The following MAVS variants were observed in gnomAD, a reference collection of about 807,000 sequenced individuals.
MAVS encodes mitochondrial antiviral-signaling protein.
A neutral mutation model predicts 30.2 loss-of-function variants in MAVS; 20 were observed. The ratio of observed to expected loss-of-function variants is 0.66; its 90% CI spans 0.47 to 0.96. The LOEUF is 0.96. Ranked by LOEUF, MAVS falls within the 40% of genes least tolerant of loss-of-function variation. The probability of loss-of-function intolerance (pLI) is 0.00; values close to 1 mark genes in which losing one functional copy is unlikely to be tolerated. For synonymous variants in MAVS, 278 were observed against 293.9 expected (o/e 0.95, Z 0.55); for missense variants, 624 against 701.1 (o/e 0.89, Z 1.24).
chr20:3,859,079 C>T (rs568065419), intron 3 of MAVS, among the ~76,000 whole-genome samples: 29 of 152,130 alleles, frequency 1.9e-4, no homozygotes, highest in South Asian at 6.2e-4. Flanking sequence ...TGTGAGCCAC[C>T]GCGTCTGGCT....
chr20:3,855,272 C>G (rs1326188005), intron 2 of MAVS, among the ~76,000 whole-genome samples: 1 of 152,166 alleles, frequency 6.6e-6, no homozygotes. Flanking sequence ...CTTTTGTGCA[C>G]TGCTCAAAAA....
chr20:3,864,053 C>T (rs1316711418), intron 5 of MAVS, among the ~76,000 whole-genome samples: 1 of 152,144 alleles, frequency 6.6e-6, no homozygotes, highest in Non-Finnish European at 1.5e-5. Context: ...CCTGGGGCTA[C>T]AGGTCAAGGA....
In MAVS at chr20:3,874,121, A is replaced by G. The variant is rs2089974383; in HGVS notation, c.*7974A>G. On this transcript the variant is annotated 3_prime_UTR_variant, in exon 7 of 7. Coordinates refer to ENST00000428216, the MANE Select transcript of MAVS (RefSeq NM_020746.5). ...TGAAAATATCGCTATGCACAGCAAC[A>G]TGGATAAATTTCACAGACATGAGGT... 3.0e-5 allele frequency: 12 copies of G among 398,536 alleles called. No individual in the cohort carries two copies. The highest frequency in any genetic ancestry group is 4.4e-5 in the Non-Finnish European group (10 of 226,102). The allele number at this position is 398,536 out of a possible 1,614,324, so 24.7% of individuals were successfully genotyped here. A position where few individuals can be genotyped will look rare whatever the true frequency, so the allele number is the denominator to read the frequency against.
At chr20:3,849,195 CTAGCTTGCTTGCTT>C (rs1162293038) in intron 1 of MAVS, among the ~76,000 whole-genome samples, 1 of 151,838 alleles carries the variant, frequency 6.6e-6, no homozygotes, top group East Asian at 1.9e-4. Flanking sequence ...GCCCCTTTCC[CTAGCTTGCTTGCTT>C]TTTTTTTTTT....
chr20:3,849,121 G>C (rs1320494979), intron 1 of MAVS, among the ~76,000 whole-genome samples: 1 of 151,728 alleles, frequency 6.6e-6, no homozygotes, highest in Non-Finnish European at 1.5e-5. Context: ...CTAAAACCCA[G>C]AGTCCTTTCC....
chr20:3,856,928 C>T (rs1480020720), intron 2 of MAVS, among the ~76,000 whole-genome samples: 2 of 150,302 alleles, frequency 1.3e-5, no homozygotes, highest in Non-Finnish European at 3.0e-5. Context: ...CCCAGCTACT[C>T]GGGAGGCTGA....
At chr20:3,854,424 C>CAAAAAA (rs143700590) in intron 1 of MAVS, 134 bp from the exon 2 acceptor site, 133 of 188,520 alleles carry the variant, frequency 7.1e-4, no homozygotes, top group East Asian at 1.5e-3. Context: ...GACTCGCTCT[C>CAAAAAA]AAAAAAAAAA....
At chr20:3,851,964 G>C (rs1270061055) in intron 1 of MAVS, among the ~76,000 whole-genome samples, 1 of 139,980 alleles carries the variant, frequency 7.1e-6, no homozygotes, top group Admixed American at 7.0e-5. Context: ...TCTCAAAAAA[G>C]AAAAAAAGAA....
chr20:3,859,520 A>AAC (rs76308650), intron 3 of MAVS, among the ~76,000 whole-genome samples: 83,980 of 141,516 alleles, frequency 0.59, 25,258 homozygotes, highest in African/African-American at 0.68. Context: ...AAAAAAAAAA[A>AAC]CCCAAAAATA....
chr20:3,861,313 C>T lies in MAVS; in HGVS notation c.293-19C>T, dbSNP rs1203041814. ...CAGCCCTGATTCCTTCTTGATATCACTACATCTTTGTCCTCTAGGGACCTC... is the reference window on the plus strand; with the variant it reads ...CAGCCCTGATTCCTTCTTGATATCATTACATCTTTGTCCTCTAGGGACCTC... On this transcript the variant is annotated intron_variant, in intron 3 of 6. Transcript: ENST00000428216. 6.3e-7 allele frequency: 1 copy of T among 1,598,492 alleles called. No homozygotes were observed. The highest frequency in any genetic ancestry group is 1.7e-5 in the Admixed American group (1 of 57,758).
rs1358022575 is a variant in MAVS, at chr20:3,864,713, C to A, written c.1083C>A (p.Ser361=). 1 of 1,614,244 alleles carries A rather than the reference C, an allele frequency of 6.2e-7. No homozygotes were observed. The highest frequency in any genetic ancestry group is 2.2e-5 in the East Asian group (1 of 44,894). The change falls in exon 6 of 7, where the codon TCC becomes TCA. Residue 361 remains serine, a synonymous_variant. Coordinates refer to ENST00000428216, the MANE Select transcript of MAVS (RefSeq NM_020746.5). ...CAACCCGTGCTGGCATGGTGCCATCCAAAGTGCCTACTAGCATGGTGCTCA... is the reference window on the plus strand; with the variant it reads ...CAACCCGTGCTGGCATGGTGCCATCAAAAGTGCCTACTAGCATGGTGCTCA... ...INSTRAGMVP[S]KVPTSMVLTK...
At position 3,865,832 on chromosome 20, in the gene MAVS, C is replaced by G. The variant is rs200985651; in HGVS notation, c.1308C>G (p.Phe436Leu). The change falls in exon 7 of 7, where the codon TTC becomes TTG. Residue 436 changes from phenylalanine to leucine, a missense_variant. By Grantham distance (22) the Phe-to-Leu change is conservative (BLOSUM62 0). Coordinates refer to ENST00000428216, the MANE Select transcript of MAVS (RefSeq NM_020746.5). This position sits in a 1 kb window ranked among gnomAD's most constrained non-coding sequence, Gnocchi z 4.7. ...TAGACAGCCCGTTCTCGGGCTGCTTCGAGGATCTTGCCATCAGTGCCAGCA... is the reference window on the plus strand; with the variant it reads ...TAGACAGCCCGTTCTCGGGCTGCTTGGAGGATCTTGCCATCAGTGCCAGCA... ...SQVDSPFSGC[F>L]EDLAISASTS... is the part of the protein sequence containing the mutation. 2 of 1,614,038 alleles carry G rather than the reference C, an allele frequency of 1.2e-6. No homozygotes were observed. Among genetic ancestry groups the G allele is most frequent in the East Asian group, 4.5e-5 (2 of 44,876 alleles).
rs2089914828 is a variant in MAVS at position 3,867,097 on chromosome 20, G to A, written c.*950G>A. 1 of 456,340 alleles carries A rather than the reference G, an allele frequency of 2.2e-6. No individual in the cohort carries two copies. Among genetic ancestry groups the A allele is most frequent in the Non-Finnish European group, 4.4e-6 (1 of 226,900 alleles). The allele number at this position is 456,340 out of a possible 1,614,324, so 28.3% of individuals were successfully genotyped here. On this transcript the variant is annotated 3_prime_UTR_variant, in exon 7 of 7. Transcript: ENST00000428216. ...CCACTGCTTCTCCCATCTCTCTCCT[G>A]CCCAACCTGGTAGAGCTGAGGGCAT...
Position 3,871,742 on chromosome 20 carries a change from T to A in MAVS, c.*5595T>A, listed in dbSNP as rs574846064. 1 of 152,486 alleles carries A rather than the reference T, an allele frequency of 6.6e-6. No homozygotes were observed. Among genetic ancestry groups the A allele is most frequent in the African/African-American group, 2.4e-5 (1 of 41,570 alleles). 9.4% of individuals were successfully genotyped at this position (152,486 alleles called of 1,614,324 possible). A position where few individuals can be genotyped will look rare whatever the true frequency, so the allele number is the denominator to read the frequency against. ...GAGTCCTTGGTCTAATGCATCTGTG[T>A]TGAAATTGAGGCCTTCCCCTGTGTT... is the stretch of plus-strand genomic sequence containing the variant. On this transcript the variant is annotated 3_prime_UTR_variant, in exon 7 of 7. Coordinates refer to ENST00000428216, the MANE Select transcript of MAVS (RefSeq NM_020746.5).
rs1132922 is a variant in MAVS, at chr20:3,874,780, T to C, written c.*8633T>C. 51,660 of 152,334 alleles carry C rather than the reference T, an allele frequency of 0.34. 11,355 individuals are homozygous for C. Among genetic ancestry groups the C allele is most frequent in the African/African-American group, 0.63 (26,127 of 41,466 alleles). 9.4% of individuals were successfully genotyped at this position (152,334 alleles called of 1,614,324 possible). A position where few individuals can be genotyped will look rare whatever the true frequency, so the allele number is the denominator to read the frequency against. ...GGTTTCTGGCCAGAGTCTATTGTCA[T>C]ATGTGGCCTGGCCATTGTCCAGTTG... On this transcript the variant is annotated 3_prime_UTR_variant, in exon 7 of 7. Coordinates refer to ENST00000428216, the MANE Select transcript of MAVS (RefSeq NM_020746.5).
rs903620222 is a variant in MAVS at position 3,869,000 on chromosome 20, T to G, written c.*2853T>G. On this transcript the variant is annotated 3_prime_UTR_variant, in exon 7 of 7. Transcript: ENST00000428216. ...AGTCCCCTAGCCCCGCCTCCCATCC[T>G]CCCATCTTTTTCTTTTTTCTTTTTT... 2 of 152,170 alleles carry G rather than the reference T, an allele frequency of 1.3e-5. No individual in the cohort carries two copies. The highest frequency in any genetic ancestry group is 2.9e-5 in the Non-Finnish European group (2 of 68,010). The allele number at this position is 152,170 out of a possible 1,614,324, so 9.4% of individuals were successfully genotyped here.
intron 3 of MAVS, among the ~76,000 whole-genome samples, chr20:3,859,919 C>A (rs2089850877): frequency 6.7e-6 from 1 of 149,284 alleles, no homozygotes; most frequent in Non-Finnish European, 1.5e-5. Context: ...CGGGTTCACG[C>A]CATTCTCCTG....
At chr20:3,859,044 C>A (rs2089838398) in intron 3 of MAVS, among the ~76,000 whole-genome samples, 1 of 152,050 alleles carries the variant, frequency 6.6e-6, no homozygotes. Context: ...AAGCGATCGG[C>A]CTCCCAGAGT....
At chr20:3,857,862 G>A (rs775487152) in intron 3 of MAVS, 53 bp downstream of exon 3, 9 of 1,581,250 alleles carry the variant, frequency 5.7e-6, no homozygotes, top group South Asian at 3.3e-5. Flanking sequence ...CCTGGCCTCC[G>A]CTCTCCTTTT....
Sources: gnomAD v4.1 joint callset for allele counts (sites outside exome capture counted in the v4.1 genomes callset) on GRCh38, gnomAD v4.1.1 for gene constraint, Gnocchi (gnomAD v3.1) non-coding constraint, MANE v1.5 for transcripts, NCBI Gene and HGNC (gene_info 2026-07-23, HGNC 2026-07-21) for gene names.